The following WDR72 variants were observed in gnomAD, a reference collection of about 807,000 sequenced individuals.
The protein encoded by WDR72 is WD repeat-containing protein 72.
WDR72 carries 120 observed loss-of-function variants against 124.2 expected under a neutral mutation model. The observed-to-expected ratio is 0.97, with a 90% confidence interval of 0.83 to 1.12. The LOEUF (loss-of-function observed/expected upper bound fraction) is 1.12. WDR72 is among the 50% of genes most tolerant of loss of function. The pLI is 0.00. For synonymous variants in WDR72, 452 were observed against 441.7 expected, an observed-to-expected ratio of 1.02 and a Z score of -0.29; for missense variants, 1,387 against 1,278.8, an observed-to-expected ratio of 1.08 and a Z score of -1.29.
chr15:53,708,849 C>T (rs1402881463), intron 9 of WDR72, among the ~76,000 whole-genome samples: 3 of 152,150 alleles, frequency 2.0e-5, no homozygotes, highest in African/African-American at 7.2e-5. Flanking sequence ...ATAGCCAGGA[C>T]CCCTGCACCA....
chr15:53,720,101 T>G (rs1047406925), intron 3 of WDR72, among the ~76,000 whole-genome samples: 1 of 152,158 alleles, frequency 6.6e-6, no homozygotes, highest in African/African-American at 2.4e-5. Flanking sequence ...ATTTGTCCCA[T>G]TTTTTAAAAA....
Position 53,546,129 on chromosome 15 carries a change from A to C in WDR72, c.3149-22807T>G, listed in dbSNP as rs1595750458. On this transcript the variant is annotated intron_variant, in intron 18 of 19. Transcript: ENST00000360509. ...GGCGATTCCTCAGGGATCTAGAACTAGAAATACCATTTGACCCAGCCATCC... is the reference window on the plus strand; with the variant it reads ...GGCGATTCCTCAGGGATCTAGAACTCGAAATACCATTTGACCCAGCCATCC... Among the ~76,000 whole-genome samples, 4 of 142,008 alleles carry C rather than the reference A, an allele frequency of 2.8e-5. No individual in the cohort carries two copies. The East Asian group carries it at 7.9e-4, about 28-fold the overall frequency. The allele number at this position is 142,008 out of a possible 152,430, so 93.2% of individuals were successfully genotyped here.
chr15:53,634,488 GATT>G, intron 14 of WDR72, among the ~76,000 whole-genome samples: 1 of 152,240 alleles, frequency 6.6e-6, no homozygotes, highest in South Asian at 2.1e-4. Flanking sequence ...AATGATAGTT[GATT>G]AGCTAAAAAA....
rs1311103899 is a variant in WDR72, at chr15:53,699,850, C to T, written c.1665G>A (p.Lys555=). 2 of 1,614,146 alleles carry T rather than the reference C, an allele frequency of 1.2e-6. No homozygotes were observed. Among genetic ancestry groups the T allele is most frequent in the Non-Finnish European group, 1.7e-6 (2 of 1,180,028 alleles). Residue 555 remains lysine, a synonymous_variant, in exon 13 of 20, where the codon AAG becomes AAA. Coordinates refer to ENST00000360509, the MANE Select transcript of WDR72 (RefSeq NM_182758.4). ...EGKSCLLHAR[K]HLFPVRMIKW... is the part of the protein sequence containing the mutation. The stretch of plus-strand genomic sequence containing the variant: ...TTATCATCCTCACAGGAAAAAGGTG[C>T]TTCCGGGCATGCAGGAGGCAACTCT...
intron 1 of WDR72, among the ~76,000 whole-genome samples, chr15:53,755,145 AG>A (rs1207900754): frequency 1.3e-5 from 2 of 152,256 alleles, no homozygotes; most frequent in Non-Finnish European, 2.9e-5. Flanking sequence ...TAGCTATTCA[AG>A]AGAGTTGCTC....
intron 18 of WDR72, among the ~76,000 whole-genome samples, chr15:53,532,620 TG>T (rs1382016176): frequency 6.6e-6 from 1 of 151,944 alleles, no homozygotes; most frequent in Non-Finnish European, 1.5e-5. Flanking sequence ...GAGAGTAGAA[TG>T]ATGGTAACTA....
intron 18 of WDR72, among the ~76,000 whole-genome samples, chr15:53,553,157 G>T (rs1893805519): frequency 6.6e-6 from 1 of 152,180 alleles, no homozygotes; most frequent in Non-Finnish European, 1.5e-5. Context: ...GAGGGGAGAT[G>T]TAATTTTATT....
intron 2 of WDR72, among the ~76,000 whole-genome samples, chr15:53,728,901 T>C (rs2018120765): frequency 6.6e-6 from 1 of 152,062 alleles, no homozygotes; most frequent in Non-Finnish European, 1.5e-5. Context: ...GAGACACTTA[T>C]TCTCTAGCTC....
At chr15:53,723,480 G>C (rs1029072790) in intron 2 of WDR72, among the ~76,000 whole-genome samples, 1 of 152,144 alleles carries the variant, frequency 6.6e-6, no homozygotes, top group African/African-American at 2.4e-5. Context: ...ATCTCAGAGA[G>C]GTATCTGTAC....
intron 17 of WDR72, among the ~76,000 whole-genome samples, chr15:53,605,896 T>C (rs2013261544): frequency 6.6e-6 from 1 of 152,162 alleles, no homozygotes; most frequent in African/African-American, 2.4e-5. Flanking sequence ...GAATGGATAC[T>C]TGCAAGAGTC....
In WDR72 at chr15:53,518,850, C is replaced by A. The variant is rs80284308; in HGVS notation, c.3254-1096G>T. ...GAAATCTAGTTTTGGTCATCAGACT[C>A]ATGCAAATGTAATATTGATTGACAA... On this transcript the variant is annotated intron_variant, in intron 19 of 19. Coordinates refer to ENST00000360509, the MANE Select transcript of WDR72 (RefSeq NM_182758.4). Among the ~76,000 whole-genome samples, 1,307 of 152,084 alleles carry A rather than the reference C, an allele frequency of 8.6e-3. 23 individuals are homozygous for A. Among genetic ancestry groups the A allele is most frequent in the African/African-American group, 0.03 (1,261 of 41,500 alleles).
intron 18 of WDR72, among the ~76,000 whole-genome samples, chr15:53,584,814 T>C (rs936582170): frequency 1.3e-5 from 2 of 151,986 alleles, no homozygotes; most frequent in African/African-American, 4.8e-5. Flanking sequence ...TGCCCTGCCT[T>C]GGTATCTGTC....
intron 14 of WDR72, among the ~76,000 whole-genome samples, chr15:53,642,115 A>G (rs986667461): frequency 1.3e-5 from 2 of 152,002 alleles, no homozygotes; most frequent in African/African-American, 4.8e-5. Context: ...TTCTAGGTCC[A>G]TTTATGTGAG....
intron 18 of WDR72, among the ~76,000 whole-genome samples, chr15:53,576,915 G>A (rs2011647357): frequency 6.6e-6 from 1 of 152,130 alleles, no homozygotes; most frequent in African/African-American, 2.4e-5. Flanking sequence ...GAAATTTGGT[G>A]GTTGTTTGTT....
At chr15:53,679,082 A>T (rs2016286402) in intron 13 of WDR72, among the ~76,000 whole-genome samples, 1 of 152,248 alleles carries the variant, frequency 6.6e-6, no homozygotes, top group Admixed American at 6.5e-5. Context: ...GATTCCACTT[A>T]TATGATATAC....
intron 1 of WDR72, 59 bp from the exon 2 acceptor site, chr15:53,733,220 C>T (rs200088129): frequency 6.4e-5 from 100 of 1,574,394 alleles, no homozygotes; most frequent in Non-Finnish European, 6.6e-5. Context: ...TTGAGGAAAC[C>T]GATAATATTA....
At chr15:53,731,963 AAAT>A (rs2018215382) in intron 2 of WDR72, among the ~76,000 whole-genome samples, 1 of 152,244 alleles carries the variant, frequency 6.6e-6, no homozygotes, top group Non-Finnish European at 1.5e-5. Context: ...TCTAGCCAGA[AAAT>A]AATACACTTA....
At chr15:53,701,559 T>TCTCTCTCTCTCTCTCA (rs369568228) in intron 12 of WDR72, among the ~76,000 whole-genome samples, 26 of 120,162 alleles carry the variant, frequency 2.2e-4, no homozygotes, top group South Asian at 6.3e-4. Flanking sequence ...TCTCTCTCTC[T>TCTCTCTCTCTCTCTCA]CACACACACA....
At chr15:53,605,032 T>C (rs1429604247) in intron 17 of WDR72, among the ~76,000 whole-genome samples, 2 of 152,206 alleles carry the variant, frequency 1.3e-5, no homozygotes, top group Non-Finnish European at 2.9e-5. Context: ...TAAAGACACA[T>C]GAACATGTAT....
Sources: allele counts gnomAD v4.1 joint callset (sites outside exome capture counted in the v4.1 genomes callset), GRCh38; gene constraint gnomAD v4.1.1; transcripts MANE v1.5; gene names NCBI Gene and HGNC (gene_info 2026-07-23, HGNC 2026-07-21).